RUNX1T1: variants seen among roughly 807,000 people sequenced by gnomAD.
The protein encoded by RUNX1T1 is RUNX1 partner transcriptional co-repressor 1.
In RUNX1T1, 4 loss-of-function variants were observed where a neutral mutation model predicts 62.8. That is an observed-to-expected ratio of 0.06 (90% CI 0.03 to 0.15). RUNX1T1 has a LOEUF of 0.15. RUNX1T1 is among the 10% of genes least tolerant of loss of function. The pLI, the probability that RUNX1T1 is intolerant of heterozygous loss-of-function variation, is 1.00. For synonymous variants in RUNX1T1, 291 were observed against 286.0 expected (o/e 1.02, Z -0.18); for missense variants, 508 against 754.3 (o/e 0.67, Z 3.82).
chr8:92,008,400 A>ACG (rs1821284384), intron 4 of RUNX1T1, among the ~76,000 whole-genome samples: 2 of 148,014 alleles, frequency 1.4e-5, no homozygotes, highest in African/African-American at 5.0e-5. Context: ...ACACACACAC[A>ACG]CACACACACA....
chr8:92,095,284 C>A (rs770229930), intron 1 of RUNX1T1: 63 of 1,518,626 alleles, frequency 4.1e-5, no homozygotes, highest in African/African-American at 3.8e-4. Context: ...CCCACGCCCC[C>A]CTTCCTCCTG....
chr8:92,081,357 C>T (rs932146790), intron 1 of RUNX1T1: 10 of 446,412 alleles, frequency 2.2e-5, no homozygotes, highest in African/African-American at 1.7e-4. Context: ...GCAAAGGTCA[C>T]TACTCAAAAA....
At chr8:92,056,283 CT>C (rs1409978737) in intron 1 of RUNX1T1, among the ~76,000 whole-genome samples, 1 of 152,202 alleles carries the variant, frequency 6.6e-6, no homozygotes, top group Non-Finnish European at 1.5e-5. Context: ...TTGTCAAACT[CT>C]TTAAGACTCT....
At chr8:92,102,941 G>T, upstream of RUNX1T1, 1 of 1,500,228 alleles carries the variant, frequency 6.7e-7, no homozygotes, top group South Asian at 1.2e-5. The surrounding 1 kb of genome is among the most constrained non-coding windows in gnomAD (Gnocchi z 4.5). Context: ...CGGCCCGCGG[G>T]GCGACGGGGC....
chr8:92,010,468 C>T (rs7825562), intron 4 of RUNX1T1: 26,880 of 152,236 alleles, frequency 0.18, 2,568 homozygotes, highest in Non-Finnish European at 0.22. Flanking sequence ...TTTACTGAAG[C>T]GGCAGCAGTT....
chr8:91,974,614 G>A (rs765396383), intron 9 of RUNX1T1, among the ~76,000 whole-genome samples: 15 of 152,100 alleles, frequency 9.9e-5, no homozygotes, highest in Non-Finnish European at 1.9e-4. Flanking sequence ...GATGTTGCCC[G>A]TCTTTTCAGG....
chr8:92,005,208 C>T (rs2131023681), exon 5 of RUNX1T1: 1 of 1,614,082 alleles, frequency 6.2e-7, no homozygotes, highest in African/African-American at 1.3e-5. Context: ...CCAGAAGCAG[C>T]TGTTCATGCT....
chr8:91,983,668 T>A (rs1371138263), intron 8 of RUNX1T1, among the ~76,000 whole-genome samples: 1 of 152,146 alleles, frequency 6.6e-6, no homozygotes, highest in African/African-American at 2.4e-5. Context: ...ATTAAACACT[T>A]CCCAGTCACA....
intron 10 of RUNX1T1, 60 bp downstream of exon 11, chr8:91,970,598 A>AT: frequency 1.4e-6 from 2 of 1,385,684 alleles, no homozygotes; most frequent in Non-Finnish European, 1.9e-6. Context: ...TGAATGAAGA[A>AT]TGAGCACTCT....
exon 8 of RUNX1T1, chr8:91,986,198 A>G: frequency 1.2e-6 from 2 of 1,614,020 alleles, no homozygotes; most frequent in Non-Finnish European, 1.7e-6. Flanking sequence ...ACCTTTTTTT[A>G]AGTCCTCGGC....
chr8:92,033,144 A>T (rs563145390), intron 1 of RUNX1T1, among the ~76,000 whole-genome samples: 1 of 152,304 alleles, frequency 6.6e-6, no homozygotes, highest in Non-Finnish European at 1.5e-5. Context: ...ATTCCACATA[A>T]ATAATATCAA....
chr8:92,031,307 A>G (rs1450568958), intron 1 of RUNX1T1, among the ~76,000 whole-genome samples: 1 of 152,196 alleles, frequency 6.6e-6, no homozygotes, highest in Non-Finnish European at 1.5e-5. Flanking sequence ...TTCAACCCCT[A>G]TTGTGTGTGT....
intron 1 of RUNX1T1, among the ~76,000 whole-genome samples, chr8:92,034,791 C>CAT (rs145057755): frequency 0.13 from 15,523 of 115,452 alleles, 1,849 homozygotes; most frequent in Non-Finnish European, 0.17. Flanking sequence ...TATATATATA[C>CAT]ATATATACAC....
intron 1 of RUNX1T1, among the ~76,000 whole-genome samples, chr8:92,024,415 A>G (rs1824721905): frequency 6.8e-6 from 1 of 147,374 alleles, no homozygotes; most frequent in African/African-American, 2.5e-5. Context: ...AGGTTGAGGC[A>G]GGAAAATTTT....
chr8:91,992,449 T>A (rs935849563), intron 5 of RUNX1T1, among the ~76,000 whole-genome samples: 7 of 152,248 alleles, frequency 4.6e-5, no homozygotes, highest in Admixed American at 1.3e-4. Context: ...TTCTTCAGTA[T>A]CACTAGCCAC....
chr8:92,003,435 T>C (rs907665580), intron 5 of RUNX1T1: 18 of 454,272 alleles, frequency 4.0e-5, no homozygotes, highest in Non-Finnish European at 5.3e-5. Flanking sequence ...GTTATGGTTA[T>C]TTAGCAGTTC....
At chr8:91,984,856 C>T in intron 8 of RUNX1T1, among the ~76,000 whole-genome samples, 1 of 152,068 alleles carries the variant, frequency 6.6e-6, no homozygotes. Context: ...TGTGACCTGA[C>T]AAATACAATT....
chr8:92,073,094 A>G (rs1234594735), intron 2 of RUNX1T1, among the ~76,000 whole-genome samples: 1 of 152,120 alleles, frequency 6.6e-6, no homozygotes, highest in East Asian at 1.9e-4. Context: ...TCTTTTTAAT[A>G]TGTCAAATAC....
rs1818037793 is a variant in RUNX1T1 at position 91,993,275 on chromosome 8, AACAGGAT to A, written c.660-1393_660-1387del. Among the ~76,000 whole-genome samples the A allele has an allele frequency of 3.9e-5, 6 of 152,212 alleles. No homozygotes were observed. In the South Asian group the frequency reaches 1.2e-3, roughly 32 times the overall value. On this transcript the variant is annotated intron_variant, in intron 5 of 10. Coordinates refer to ENST00000396218, the Ensembl canonical transcript of RUNX1T1. ...ATCAACAACAGAGATAATCAGGGGC[AACAGGAT>A]TCTACAATGAACCATCCTTTATGGC...
Sources: allele counts gnomAD v4.1 joint callset (sites outside exome capture counted in the v4.1 genomes callset), GRCh38; gene constraint gnomAD v4.1.1; non-coding constraint Gnocchi (gnomAD v3.1); transcripts MANE v1.5; gene names NCBI Gene and HGNC (gene_info 2026-07-23, HGNC 2026-07-21).